BLOC1S6: variants seen among roughly 807,000 people sequenced by gnomAD.
BLOC1S6 encodes biogenesis of lysosomal organelles complex 1 subunit 6, also known as biogenesis of lysosome-related organelles complex 1 subunit 6.
BLOC1S6 carries 24 observed loss-of-function variants against 24.7 expected under a neutral mutation model. The ratio of observed to expected loss-of-function variants is 0.97; its 90% CI spans 0.70 to 1.37. The LOEUF (loss-of-function observed/expected upper bound fraction) is 1.37, where lower values mean the gene tolerates loss of function less well. BLOC1S6 is among the 40% of genes most tolerant of loss of function. BLOC1S6 has a pLI of 0.00. For synonymous variants in BLOC1S6, 76 were observed against 72.6 expected (o/e 1.05, Z -0.23); for missense variants, 175 against 196.2 (o/e 0.89, Z 0.64).
At chr15:45,591,060 T>C (rs1893865166) in intron 1 of BLOC1S6, among the ~76,000 whole-genome samples, 1 of 152,196 alleles carries the variant, frequency 6.6e-6, no homozygotes, top group African/African-American at 2.4e-5. Flanking sequence ...ACACTTTTAT[T>C]ATTCAAAGGA....
chr15:45,603,928 T>C (rs1164227080), intron 3 of BLOC1S6, among the ~76,000 whole-genome samples: 1 of 152,232 alleles, frequency 6.6e-6, no homozygotes, highest in African/African-American at 2.4e-5. Flanking sequence ...TATCTTTCAA[T>C]ATAAATAGTT....
intron 1 of BLOC1S6, 171 bp from the exon 2 acceptor site, chr15:45,591,964 G>A (rs1030397705): frequency 1.3e-5 from 9 of 707,980 alleles, no homozygotes; most frequent in South Asian, 5.8e-5. Context: ...TTTATTAGCT[G>A]TGTCAATTTG....
At chr15:45,593,205 C>T (rs1011109653) in intron 2 of BLOC1S6, among the ~76,000 whole-genome samples, 2 of 151,052 alleles carry the variant, frequency 1.3e-5, no homozygotes, top group Non-Finnish European at 3.0e-5. Context: ...ACCACCCTGG[C>T]GAAACCCTGT....
At chr15:45,589,481 T>C (rs1312441537) in intron 1 of BLOC1S6, among the ~76,000 whole-genome samples, 2 of 152,246 alleles carry the variant, frequency 1.3e-5, no homozygotes. Context: ...GAGCCTTAGC[T>C]CAGTGTCCAC....
chr15:45,601,196 C>G (rs1203613319), intron 2 of BLOC1S6: 2 of 154,338 alleles, frequency 1.3e-5, no homozygotes, highest in African/African-American at 2.4e-5. Flanking sequence ...TTCAAAATAT[C>G]TTATTGTGCT....
In BLOC1S6 at chr15:45,604,184, C is replaced by T. The variant is rs114990178; in HGVS notation, c.312+997C>T. On this transcript the variant is annotated intron_variant, in intron 3 of 4. Coordinates refer to ENST00000220531, the MANE Select transcript of BLOC1S6 (RefSeq NM_012388.4). ...TGCAGTTTAAGACCAACCTGGCCAACGTAGCAAGACCCCATCTCTATTAAG... is the reference window on the plus strand; with the variant it reads ...TGCAGTTTAAGACCAACCTGGCCAATGTAGCAAGACCCCATCTCTATTAAG... Among the ~76,000 whole-genome samples, 477 of 152,192 alleles carry T rather than the reference C, an allele frequency of 3.1e-3. 3 individuals carry two copies. Among genetic ancestry groups the T allele is most frequent in the African/African-American group, 0.011 (445 of 41,524 alleles).
intron 2 of BLOC1S6, among the ~76,000 whole-genome samples, chr15:45,593,598 G>A (rs577845111): frequency 6.6e-6 from 1 of 152,180 alleles, no homozygotes; most frequent in South Asian, 2.1e-4. Context: ...AACTGCAAGC[G>A]AACATATCTG....
intron 1 of BLOC1S6, among the ~76,000 whole-genome samples, chr15:45,588,841 G>T (rs984523313): frequency 1.3e-5 from 2 of 152,084 alleles, no homozygotes; most frequent in Non-Finnish European, 2.9e-5. Context: ...CTTTCCTCAT[G>T]CTGCTTTCTT....
chr15:45,601,866 A>G (rs894092346), intron 2 of BLOC1S6, among the ~76,000 whole-genome samples: 2 of 150,854 alleles, frequency 1.3e-5, no homozygotes, highest in African/African-American at 2.4e-5. Context: ...GGAGGGACAA[A>G]GTTATTTATT....
intron 3 of BLOC1S6, among the ~76,000 whole-genome samples, chr15:45,604,251 A>C (rs1165779395): frequency 3.4e-5 from 5 of 146,958 alleles, no homozygotes. Context: ...CCATTCATGC[A>C]TACCTCAAAA....
intron 2 of BLOC1S6, among the ~76,000 whole-genome samples, chr15:45,594,396 C>T (rs1012315015): frequency 3.3e-5 from 5 of 152,134 alleles, no homozygotes; most frequent in African/African-American, 1.2e-4. Flanking sequence ...TGTCAGTGGC[C>T]TCCATGGAGC....
At chr15:45,589,534 G>T (rs1595551174) in intron 1 of BLOC1S6, among the ~76,000 whole-genome samples, 1 of 152,138 alleles carries the variant, frequency 6.6e-6, no homozygotes, top group South Asian at 2.1e-4. Context: ...AATGAAAGTC[G>T]CTCTCCCCTG....
In BLOC1S6 at chr15:45,587,395, C is replaced by A; in HGVS notation, c.-49C>A. The stretch of plus-strand genomic sequence containing the variant: ...GGAGTCGTTAGGTGCCGCCTTGCTT[C>A]TGACGAGCCACACGTTTGCTTCTTC... On this transcript the variant is annotated 5_prime_UTR_variant, in exon 1 of 5. In the 5' UTR this introduces an upstream ATG that the reference lacks. Transcript: ENST00000220531. 1 of 1,520,234 alleles carries A rather than the reference C, an allele frequency of 6.6e-7. No homozygotes were observed. Among genetic ancestry groups the A allele is most frequent in the Non-Finnish European group, 8.9e-7 (1 of 1,118,196 alleles). 94.2% of individuals were successfully genotyped at this position (1,520,234 alleles called of 1,614,324 possible).
Position 45,603,147 on chromosome 15 carries a change from A to G in BLOC1S6, c.272A>G (p.Lys91Arg). 3.7e-6 allele frequency: 6 copies of G among 1,611,210 alleles called. No individual in the cohort carries two copies. The highest frequency in any genetic ancestry group is 5.1e-6 in the Non-Finnish European group (6 of 1,177,850). The change falls in exon 3 of 5, where the codon AAA (lysine) becomes AGA (arginine). Residue 91 changes from lysine (K) to arginine (R), a missense_variant. Physicochemically the swap from Lys to Arg is conservative, Grantham distance 26. Coordinates refer to ENST00000220531, the MANE Select transcript of BLOC1S6 (RefSeq NM_012388.4). Reference sequence around the variant, plus strand: ...GACACACTGGAACAAGAGATTTCAAAATTTAAAGAATGTCATTCTATGTTG... The same window carrying G: ...GACACACTGGAACAAGAGATTTCAAGATTTAAAGAATGTCATTCTATGTTG... ...LLDTLEQEIS[K>R]FKECHSMLDI...
At position 45,587,526 on chromosome 15, in the gene BLOC1S6, G is replaced by T. The variant is rs1194283484; in HGVS notation, c.82+1G>T. ...CTGGAGGCCGGGGAGCCGACGCCTG[G>T]TACGTACTATCGGGTGGGAAGCGCG... On this transcript the variant is annotated splice_donor_variant, in intron 1 of 4. Coordinates refer to ENST00000220531, the MANE Select transcript of BLOC1S6 (RefSeq NM_012388.4). LOFTEE classifies it high-confidence loss of function. The T allele has an allele frequency of 1.9e-6, 3 of 1,571,724 alleles. No individual in the cohort carries two copies. Among genetic ancestry groups the T allele is most frequent in the Admixed American group, 3.7e-5 (2 of 54,608 alleles).
intron 1 of BLOC1S6, among the ~76,000 whole-genome samples, chr15:45,588,511 T>A (rs1370982858): frequency 6.6e-6 from 1 of 152,196 alleles, no homozygotes; most frequent in African/African-American, 2.4e-5. Context: ...TCCTTCCACC[T>A]CTAGGGGATT....
chr15:45,593,220 A>G (rs1330786928), intron 2 of BLOC1S6, among the ~76,000 whole-genome samples: 1 of 151,466 alleles, frequency 6.6e-6, no homozygotes, highest in Admixed American at 6.6e-5. Flanking sequence ...CCCTGTCTCT[A>G]CTAAAAACAC....
chr15:45,592,103 AG>A (rs1893908017), intron 1 of BLOC1S6, 31 bp from the exon 2 acceptor site: 1 of 1,612,000 alleles, frequency 6.2e-7, no homozygotes, highest in Admixed American at 1.7e-5. Flanking sequence ...AATAAATAAA[AG>A]GTTCCTAAAT....
At chr15:45,591,971 T>C in intron 1 of BLOC1S6, 164 bp from the exon 2 acceptor site, 1 of 759,608 alleles carries the variant, frequency 1.3e-6, no homozygotes, top group Non-Finnish European at 2.1e-6. Context: ...GCTGTGTCAA[T>C]TTGAAAGGTT....
Sources: allele counts gnomAD v4.1 joint callset (sites outside exome capture counted in the v4.1 genomes callset), GRCh38; gene constraint gnomAD v4.1.1; transcripts MANE v1.5; gene names NCBI Gene and HGNC (gene_info 2026-07-23, HGNC 2026-07-21).